RALYL: variants seen among roughly 807,000 people sequenced by gnomAD.
The protein encoded by RALYL is RNA-binding Raly-like protein.
Under a neutral mutation model 35.1 loss-of-function variants are expected in RALYL, and 29 were observed. That is an observed-to-expected ratio of 0.83 (90% CI 0.61 to 1.13). RALYL has a LOEUF of 1.13. Ranked by LOEUF, RALYL falls within the 50% of genes most tolerant of loss-of-function variation. The pLI is 0.00. For missense variants in RALYL, 359 were observed against 360.4 expected, an observed-to-expected ratio of 1.00 and a Z score of 0.03; for synonymous variants, 120 against 127.6, an observed-to-expected ratio of 0.94 and a Z score of 0.40.
intron 1 of RALYL, among the ~76,000 whole-genome samples, chr8:84,275,567 T>G (rs936814390): frequency 1.3e-5 from 2 of 152,068 alleles, no homozygotes; most frequent in Non-Finnish European, 2.9e-5. Flanking sequence ...CCACTGATCA[T>G]TTTTCAAGAC....
chr8:84,507,206 A>G (rs1289938179), intron 1 of RALYL, among the ~76,000 whole-genome samples: 1 of 152,076 alleles, frequency 6.6e-6, no homozygotes. Context: ...TGTCCATCAG[A>G]TATAAAACTA....
rs557873381 is a variant in RALYL at position 84,632,401 on chromosome 8, A to G, written c.256+102824A>G. 5.3e-5 allele frequency among the ~76,000 whole-genome samples: 8 copies of G among 152,106 alleles called. No individual in the cohort carries two copies. The South Asian group carries it at 1.7e-3, about 31-fold the overall frequency. The stretch of plus-strand genomic sequence containing the variant: ...CCAACTAAATATTTGCTATGTTTAA[A>G]GCAGATGATAATATTAGAAGTCCAT... On this transcript the variant is annotated intron_variant, in intron 2 of 8. Coordinates refer to ENST00000521268, the MANE Select transcript of RALYL (RefSeq NM_173848.7).
chr8:84,645,081 A>C (rs1827203250), intron 2 of RALYL, among the ~76,000 whole-genome samples: 2 of 152,036 alleles, frequency 1.3e-5, no homozygotes, highest in South Asian at 4.1e-4. Flanking sequence ...CATAGAATTC[A>C]GTTTTGCTTT....
chr8:84,549,183 A>G (rs934692149), intron 2 of RALYL, among the ~76,000 whole-genome samples: 9 of 152,184 alleles, frequency 5.9e-5, no homozygotes, highest in Non-Finnish European at 1.2e-4. Context: ...CTCATCTTTG[A>G]GGGTTCATGG....
chr8:84,519,194 G>A (rs887362291), intron 1 of RALYL, among the ~76,000 whole-genome samples: 1 of 152,062 alleles, frequency 6.6e-6, no homozygotes, highest in Non-Finnish European at 1.5e-5. Context: ...ACAGAAGAAG[G>A]TGAATATACA....
Position 84,186,660 on chromosome 8 carries a change from A to G in RALYL, c.-24+2236A>G, listed in dbSNP as rs1201192077. Among the ~76,000 whole-genome samples, 8 of 152,280 alleles carry G rather than the reference A, an allele frequency of 5.3e-5. No homozygotes were observed. In the East Asian group the frequency reaches 1.5e-3, roughly 29 times the overall value. ...ATTGAAACAATTAATGGGACCAAAGACGATTTTAATGTGAGGACAGAGAGG... is the reference window on the plus strand; with the variant it reads ...ATTGAAACAATTAATGGGACCAAAGGCGATTTTAATGTGAGGACAGAGAGG... On this transcript the variant is annotated intron_variant, in intron 1 of 8. Coordinates refer to ENST00000521268, the MANE Select transcript of RALYL (RefSeq NM_173848.7).
Position 84,521,788 on chromosome 8 carries a change from A to G in RALYL, c.-23-7511A>G, listed in dbSNP as rs188066610. Among the ~76,000 whole-genome samples the G allele has an allele frequency of 3.0e-3, 455 of 152,290 alleles. 1 individual carries two copies. The highest frequency in any genetic ancestry group is 0.011 in the African/African-American group (439 of 41,572). ...TTGTAGTTAAAATAACCAATAAGAA[A>G]TTATTAACTTTTTATAACTATAGTT... On this transcript the variant is annotated intron_variant, in intron 1 of 8. Transcript: ENST00000521268.
intron 2 of RALYL, among the ~76,000 whole-genome samples, chr8:84,558,181 A>C (rs2061256733): frequency 3.9e-5 from 6 of 152,164 alleles, no homozygotes. Context: ...GGTTAGCAAG[A>C]ATTGTACTTT....
At chr8:84,326,827 G>A (rs1178293156) in intron 1 of RALYL, among the ~76,000 whole-genome samples, 3 of 152,088 alleles carry the variant, frequency 2.0e-5, no homozygotes, top group African/African-American at 7.2e-5. Context: ...TTTTCATGTA[G>A]TATTTGTGTC....
chr8:84,342,736 G>A (rs1048404975), intron 1 of RALYL, among the ~76,000 whole-genome samples: 1 of 151,944 alleles, frequency 6.6e-6, no homozygotes, highest in African/African-American at 2.4e-5. Flanking sequence ...ATCAGATGGT[G>A]CTTTACCTTG....
chr8:84,446,342 A>G (rs1038311311), intron 1 of RALYL, among the ~76,000 whole-genome samples: 1 of 151,938 alleles, frequency 6.6e-6, no homozygotes, highest in East Asian at 1.9e-4. Context: ...GCTGTTTATA[A>G]ATGTGATTGT....
chr8:84,444,706 G>A (rs1400942948), intron 1 of RALYL, among the ~76,000 whole-genome samples: 1 of 151,966 alleles, frequency 6.6e-6, no homozygotes, highest in Non-Finnish European at 1.5e-5. Flanking sequence ...GGAGACAAGC[G>A]TCCATGCAAA....
intron 2 of RALYL, among the ~76,000 whole-genome samples, chr8:84,699,002 GTACATAGA>G (rs1839692492): frequency 8.4e-6 from 1 of 118,918 alleles, no homozygotes; most frequent in African/African-American, 3.2e-5. Context: ...AGATAGGTAG[GTACATAGA>G]TAGATAGATA....
intron 2 of RALYL, among the ~76,000 whole-genome samples, chr8:84,727,623 T>TC (rs1299391054): frequency 1.2e-5 from 1 of 84,096 alleles, no homozygotes; most frequent in Non-Finnish European, 2.3e-5. Context: ...CCCTCCTCCC[T>TC]CCCCCCACCC....
intron 2 of RALYL, among the ~76,000 whole-genome samples, chr8:84,588,637 G>A (rs1413713975): frequency 6.6e-6 from 1 of 152,098 alleles, no homozygotes; most frequent in Non-Finnish European, 1.5e-5. Context: ...GACTTTTGAT[G>A]TCTACCTGAA....
chr8:84,704,483 A>AC (rs1840820776), intron 2 of RALYL, among the ~76,000 whole-genome samples: 2 of 149,142 alleles, frequency 1.3e-5, no homozygotes, highest in South Asian at 2.1e-4. Flanking sequence ...ACACACACAC[A>AC]ACAACTCATT....
At chr8:84,646,571 G>A (rs1265452311) in intron 2 of RALYL, among the ~76,000 whole-genome samples, 2 of 152,016 alleles carry the variant, frequency 1.3e-5, no homozygotes, top group East Asian at 3.9e-4. Context: ...GTGTGTGGAT[G>A]TGGTCTGATT....
chr8:84,543,387 T>A (rs2060142392), intron 2 of RALYL, among the ~76,000 whole-genome samples: 1 of 151,968 alleles, frequency 6.6e-6, no homozygotes, highest in East Asian at 1.9e-4. Context: ...ATAGTAGTAT[T>A]CAAAATAGTA....
intron 2 of RALYL, among the ~76,000 whole-genome samples, chr8:84,608,118 C>T (rs1195899139): frequency 6.6e-6 from 1 of 152,066 alleles, no homozygotes; most frequent in African/African-American, 2.4e-5. Flanking sequence ...CTAAATCACA[C>T]TCCCAATATT....
Sources: allele counts gnomAD v4.1 joint callset (sites outside exome capture counted in the v4.1 genomes callset), GRCh38; gene constraint gnomAD v4.1.1; transcripts MANE v1.5; gene names NCBI Gene and HGNC (gene_info 2026-07-23, HGNC 2026-07-21).